Variants in SNX27 observed in about 807,000 individuals in gnomAD.
The protein encoded by SNX27 is sorting nexin 27.
Under a neutral mutation model 71.6 loss-of-function variants are expected in SNX27, and 22 were observed. That is an observed-to-expected ratio of 0.31 (90% CI 0.22 to 0.44). The LOEUF is 0.44. Among genes scored for constraint, SNX27 ranks in the 20% least tolerant of loss-of-function variants. The pLI, the probability that SNX27 is intolerant of heterozygous loss-of-function variation, is 1.00. For synonymous variants in SNX27, 269 were observed against 277.2 expected, an observed-to-expected ratio of 0.97 and a Z score of 0.29; for missense variants, 531 against 698.6, an observed-to-expected ratio of 0.76 and a Z score of 2.70.
At chr1:151,650,637 G>T (rs1416421571) in intron 2 of SNX27, among the ~76,000 whole-genome samples, 1 of 151,598 alleles carries the variant, frequency 6.6e-6, no homozygotes, top group African/African-American at 2.4e-5. Flanking sequence ...TAATTCTTGG[G>T]TGTTTCTCAC....
intron 9 of SNX27, 113 bp downstream of exon 9, chr1:151,692,697 G>A: frequency 6.7e-7 from 1 of 1,487,902 alleles, no homozygotes; most frequent in Non-Finnish European, 9.1e-7. Context: ...ACTGTATTTT[G>A]ACTGGGGCAA....
chr1:151,615,495 G>A (rs1030272497), intron 1 of SNX27, among the ~76,000 whole-genome samples: 16 of 152,102 alleles, frequency 1.1e-4, no homozygotes, highest in African/African-American at 3.9e-4. Flanking sequence ...TGGTTAGGTT[G>A]ATGCTAATTT....
chr1:151,688,365 G>C (rs1004469847), intron 8 of SNX27, among the ~76,000 whole-genome samples: 1 of 152,182 alleles, frequency 6.6e-6, no homozygotes, highest in African/African-American at 2.4e-5. Context: ...GAGGCGCGGT[G>C]GCTTACGCCT....
At chr1:151,639,229 G>A in intron 2 of SNX27, 110 bp downstream of exon 2, 2 of 891,738 alleles carry the variant, frequency 2.2e-6, no homozygotes, top group Non-Finnish European at 3.4e-6. Context: ...AGGTCAGTTT[G>A]TCTACCAGGA....
intron 2 of SNX27, among the ~76,000 whole-genome samples, chr1:151,642,391 A>AG (rs1668819919): frequency 6.6e-6 from 1 of 151,814 alleles, no homozygotes; most frequent in African/African-American, 2.4e-5. Context: ...AAAAAAAAAA[A>AG]GGGACTTAGA....
At chr1:151,632,221 G>C (rs1004134673) in intron 1 of SNX27, among the ~76,000 whole-genome samples, 11 of 151,562 alleles carry the variant, frequency 7.3e-5, no homozygotes, top group African/African-American at 2.2e-4. Context: ...GCAGTGGTGC[G>C]ATCTCGGCTC....
At chr1:151,689,068 A>G (rs1185265376) in intron 8 of SNX27, among the ~76,000 whole-genome samples, 4 of 152,184 alleles carry the variant, frequency 2.6e-5, no homozygotes, top group Non-Finnish European at 5.9e-5. Flanking sequence ...TTCAAGGACT[A>G]CATTCTTGAA....
chr1:151,652,810 T>C (rs1669478390), intron 2 of SNX27, among the ~76,000 whole-genome samples: 1 of 152,204 alleles, frequency 6.6e-6, no homozygotes, highest in African/African-American at 2.4e-5. Flanking sequence ...GCCTTTTCCT[T>C]TTGCATGAGA....
chr1:151,636,078 A>G (rs1424803286), intron 1 of SNX27, among the ~76,000 whole-genome samples: 1 of 152,186 alleles, frequency 6.6e-6, no homozygotes, highest in African/African-American at 2.4e-5. Context: ...TCCCCAGAAA[A>G]AAACGCATAA....
chr1:151,620,601 GT>G (rs766037268), intron 1 of SNX27, among the ~76,000 whole-genome samples: 12 of 151,580 alleles, frequency 7.9e-5, no homozygotes, highest in Non-Finnish European at 1.8e-4. Flanking sequence ...TTACTATTGT[GT>G]TTACAATTGA....
At chr1:151,645,252 C>G (rs1373249664) in intron 2 of SNX27, among the ~76,000 whole-genome samples, 1 of 152,128 alleles carries the variant, frequency 6.6e-6, no homozygotes, top group African/African-American at 2.4e-5. Flanking sequence ...ACTTTTTACT[C>G]TGTTTCATTG....
chr1:151,692,432 T>TTTATTACAAAAAAA lies in SNX27; in HGVS notation c.1240-3_1240-2insTTATTACAAAAAAA. On this transcript the variant is annotated splice_polypyrimidine_tract_variant and splice_region_variant and intron_variant, in intron 8 of 11. Transcript: ENST00000458013. ...TTTTTTTTTTTTTTTTTTTTTTTTT[T>TTTATTACAAAAAAA]AGTACCTCAACATGCTAAGGACTTG... 1 of 1,452,074 alleles carries TTTATTACAAAAAAA rather than the reference T, an allele frequency of 6.9e-7. No homozygotes were observed. Among genetic ancestry groups the TTTATTACAAAAAAA allele is most frequent in the Non-Finnish European group, 9.1e-7 (1 of 1,101,932 alleles). The allele number at this position is 1,452,074 out of a possible 1,614,324, so 89.9% of individuals were successfully genotyped here.
At chr1:151,693,630 G>A in intron 11 of SNX27, 147 bp downstream of exon 11, 1 of 1,613,694 alleles carries the variant, frequency 6.2e-7, no homozygotes, top group Non-Finnish European at 8.5e-7. Flanking sequence ...ATGTGAGCCA[G>A]GACATTCTTC....
intron 2 of SNX27, among the ~76,000 whole-genome samples, chr1:151,643,380 G>A (rs1008761278): frequency 4.0e-5 from 6 of 150,366 alleles, no homozygotes; most frequent in African/African-American, 1.5e-4. Flanking sequence ...CTGCAACCTC[G>A]GCCTCCCGGG....
At chr1:151,673,771 C>A (rs1449199080) in intron 7 of SNX27, among the ~76,000 whole-genome samples, 1 of 152,088 alleles carries the variant, frequency 6.6e-6, no homozygotes, top group African/African-American at 2.4e-5. Flanking sequence ...TGAACTGACC[C>A]CTTTATCATT....
chr1:151,618,935 G>C (rs6692271), intron 1 of SNX27, among the ~76,000 whole-genome samples: 2,990 of 151,798 alleles, frequency 0.02, 101 homozygotes, highest in African/African-American at 0.067. Flanking sequence ...AAAATTTTAG[G>C]CAGTTTTAAA....
At chr1:151,628,319 A>G (rs1668046077) in intron 1 of SNX27, among the ~76,000 whole-genome samples, 1 of 152,094 alleles carries the variant, frequency 6.6e-6, no homozygotes, top group Non-Finnish European at 1.5e-5. Flanking sequence ...TTCTTGGCTT[A>G]ATAGCTCATT....
intron 1 of SNX27, among the ~76,000 whole-genome samples, chr1:151,627,910 C>T (rs758371919): frequency 2.0e-5 from 3 of 151,832 alleles, no homozygotes; most frequent in Non-Finnish European, 4.4e-5. Flanking sequence ...TCTGGAATGT[C>T]ATATAATTGG....
chr1:151,665,918 C>T lies in SNX27; in HGVS notation c.907-15C>T, dbSNP rs766328880. The T allele has an allele frequency of 5.7e-6, 9 of 1,588,472 alleles. No individual in the cohort carries two copies. The Admixed American group carries it at 1.5e-4, about 27-fold the overall frequency. ...CTTAATTTTCTTGAAACCAATCTATCCTGTTTAACCTTAGGCTATCGCAGC... is the reference window on the plus strand; with the variant it reads ...CTTAATTTTCTTGAAACCAATCTATTCTGTTTAACCTTAGGCTATCGCAGC... On this transcript the variant is annotated splice_polypyrimidine_tract_variant and intron_variant, in intron 5 of 11. Transcript: ENST00000458013.
Sources: allele counts gnomAD v4.1 joint callset (sites outside exome capture counted in the v4.1 genomes callset), GRCh38; gene constraint gnomAD v4.1.1; transcripts MANE v1.5; gene names NCBI Gene and HGNC (gene_info 2026-07-23, HGNC 2026-07-21).